The following SCRG1 variants were observed in gnomAD, a reference collection of about 807,000 sequenced individuals.
The protein encoded by SCRG1 is stimulator of chondrogenesis 1, also known as scrapie-responsive protein 1.
Under a neutral mutation model 7.7 loss-of-function variants are expected in SCRG1, and 3 were observed. The observed-to-expected ratio is 0.39, with a 90% confidence interval of 0.18 to 1.01. The LOEUF (loss-of-function observed/expected upper bound fraction) is 1.01. Ranked by LOEUF, SCRG1 falls within the 50% of genes least tolerant of loss-of-function variation. SCRG1 has a pLI of 0.36. For synonymous variants in SCRG1, 46 were observed against 41.2 expected (o/e 1.12, Z -0.44); for missense variants, 110 against 117.2 (o/e 0.94, Z 0.28).
chr4:173,485,373 A>G, the SCRG1 span, among the ~76,000 whole-genome samples: 1 of 149,738 alleles, frequency 6.7e-6, no homozygotes, highest in Non-Finnish European at 1.5e-5. Context: ...CTGGAAACAC[A>G]TGGCCCAGCT....
the SCRG1 span, among the ~76,000 whole-genome samples, chr4:173,477,275 C>T: frequency 6.6e-6 from 1 of 152,062 alleles, no homozygotes; most frequent in Admixed American, 6.5e-5. Context: ...TAATTAATTG[C>T]CTGAAACACA....
At chr4:173,440,077 A>G in the SCRG1 span, among the ~76,000 whole-genome samples, 2,425 of 152,298 alleles carry the variant, frequency 0.016, 46 homozygotes, top group African/African-American at 0.047. Context: ...GTATTTAAGC[A>G]AACTCAGTTT....
At chr4:173,397,470 G>A (rs938005718) in intron 1 of SCRG1, among the ~76,000 whole-genome samples, 1 of 152,000 alleles carries the variant, frequency 6.6e-6, no homozygotes, top group Admixed American at 6.6e-5. Flanking sequence ...TTTTTAATTC[G>A]ATTTTATGTA....
At chr4:173,461,869 A>G in the SCRG1 span, among the ~76,000 whole-genome samples, 1 of 93,644 alleles carries the variant, frequency 1.1e-5, no homozygotes, top group Non-Finnish European at 3.0e-5. Context: ...AAGACATTGA[A>G]ATAATTAAAA....
chr4:173,483,235 A>AATATATGATATATCATATATTATATATC, the SCRG1 span, among the ~76,000 whole-genome samples: 6 of 42,264 alleles, frequency 1.4e-4, no homozygotes, highest in African/African-American at 5.3e-4. Context: ...TATTATATAT[A>AATATATGATATATCATATATTATATATC]ATATATGATA....
the SCRG1 span, among the ~76,000 whole-genome samples, chr4:173,484,591 G>T: frequency 1.2e-5 from 1 of 83,194 alleles, no homozygotes; most frequent in African/African-American, 5.2e-5. Context: ...TATACATTAT[G>T]TATATTTTAT....
the SCRG1 span, among the ~76,000 whole-genome samples, chr4:173,480,444 T>C: frequency 6.6e-6 from 1 of 151,996 alleles, no homozygotes; most frequent in African/African-American, 2.4e-5. Context: ...GGCTCTGGAT[T>C]AAAAAAGATG....
At chr4:173,449,435 C>CTTT in the SCRG1 span, among the ~76,000 whole-genome samples, 7 of 115,886 alleles carry the variant, frequency 6.0e-5, no homozygotes, top group South Asian at 8.7e-4. Context: ...CATGATAAAT[C>CTTT]TTTTTTTTTT....
At chr4:173,480,018 G>A in the SCRG1 span, among the ~76,000 whole-genome samples, 30 of 152,010 alleles carry the variant, frequency 2.0e-4, no homozygotes, top group Middle Eastern at 3.4e-3. Context: ...CACCCAGGTT[G>A]GAGGGCAGTG....
At chr4:173,479,423 TTTTG>T in the SCRG1 span, among the ~76,000 whole-genome samples, 680 of 151,216 alleles carry the variant, frequency 4.5e-3, no homozygotes, top group African/African-American at 6.1e-3. Context: ...AACCTGTTTT[TTTTG>T]TTTGTTTGTT....
At chr4:173,517,991 G>T in the SCRG1 span, among the ~76,000 whole-genome samples, 1 of 152,354 alleles carries the variant, frequency 6.6e-6, no homozygotes, top group African/African-American at 2.4e-5. Context: ...AGGCTCTTTT[G>T]TAAGCTTAAC....
the SCRG1 span, among the ~76,000 whole-genome samples, chr4:173,437,221 C>G: frequency 6.6e-6 from 1 of 152,074 alleles, no homozygotes; most frequent in Non-Finnish European, 1.5e-5. Flanking sequence ...AATCTTAGGG[C>G]AATTTACTAT....
At chr4:173,511,463 C>T in the SCRG1 span, among the ~76,000 whole-genome samples, 1 of 151,934 alleles carries the variant, frequency 6.6e-6, no homozygotes, top group African/African-American at 2.4e-5. This position sits in a 1 kb window ranked among gnomAD's most constrained non-coding sequence, Gnocchi z 5.2. Context: ...TTCTGCAAAA[C>T]GTTTTCTGCT....
At chr4:173,485,095 T>TCA in the SCRG1 span, among the ~76,000 whole-genome samples, 8 of 11,318 alleles carry the variant, frequency 7.1e-4, 1 homozygote, top group Non-Finnish European at 1.8e-3. Flanking sequence ...ATATTATATA[T>TCA]TATATATTAT....
the SCRG1 span, among the ~76,000 whole-genome samples, chr4:173,515,996 C>A: frequency 2.0e-5 from 3 of 152,124 alleles, no homozygotes; most frequent in African/African-American, 7.2e-5. The surrounding 1 kb of genome is among the most constrained non-coding windows in gnomAD (Gnocchi z 4.6). Flanking sequence ...GAGAGGTTTA[C>A]CTCCTCCAAA....
chr4:173,455,716 T>G, the SCRG1 span, among the ~76,000 whole-genome samples: 5 of 152,134 alleles, frequency 3.3e-5, no homozygotes, highest in African/African-American at 1.2e-4. Context: ...AGTGTACTAA[T>G]GGAAAATGAC....
the SCRG1 span, among the ~76,000 whole-genome samples, chr4:173,502,429 CAGA>C: frequency 1.3e-5 from 2 of 152,206 alleles, no homozygotes; most frequent in African/African-American, 2.4e-5. The surrounding 1 kb of genome is among the most constrained non-coding windows in gnomAD (Gnocchi z 4.6). Flanking sequence ...GCCCTGGAGT[CAGA>C]AGATTTTTGG....
chr4:173,408,954 C>CACT, upstream of SCRG1, among the ~76,000 whole-genome samples: 1 of 144,660 alleles, frequency 6.9e-6, no homozygotes, highest in South Asian at 2.1e-4. Flanking sequence ...ATGGCGCCGC[C>CACT]GCACTCCGGC....
the SCRG1 span, among the ~76,000 whole-genome samples, chr4:173,428,090 G>A: frequency 6.6e-6 from 1 of 152,138 alleles, no homozygotes; most frequent in Admixed American, 6.6e-5. Flanking sequence ...GTGGAGGGGT[G>A]GAACAGAGCA....
Sources: allele counts gnomAD v4.1 joint callset (sites outside exome capture counted in the v4.1 genomes callset), GRCh38; gene constraint gnomAD v4.1.1; non-coding constraint Gnocchi (gnomAD v3.1); transcripts MANE v1.5; gene names NCBI Gene and HGNC (gene_info 2026-07-23, HGNC 2026-07-21).